ADAMTS13: variants seen among roughly 807,000 people sequenced by gnomAD.
The protein encoded by ADAMTS13 is ADAM metallopeptidase with thrombospondin type 1 motif 13.
Under a neutral mutation model 155.1 loss-of-function variants are expected in ADAMTS13, and 110 were observed. That is an observed-to-expected ratio of 0.71 (90% CI 0.61 to 0.83). ADAMTS13 has a LOEUF of 0.83. ADAMTS13 is among the 40% of genes least tolerant of loss of function. ADAMTS13 has a pLI of 0.00. For synonymous variants in ADAMTS13, 758 were observed against 756.4 expected, an observed-to-expected ratio of 1.00 and a Z score of -0.03; for missense variants, 1,707 against 1,891.7, an observed-to-expected ratio of 0.90 and a Z score of 1.81.
chr9:133,415,473 G>A (rs1209772470), intron 1 of ADAMTS13, among the ~76,000 whole-genome samples: 2 of 150,634 alleles, frequency 1.3e-5, no homozygotes, highest in Admixed American at 1.3e-4. Flanking sequence ...GGAAGGTGGG[G>A]GGTGTCATAA....
chr9:133,428,855 C>T, intron 7 of ADAMTS13, 84 bp downstream of exon 7: 1 of 1,182,450 alleles, frequency 8.5e-7, no homozygotes. Context: ...ACGTCCGTCC[C>T]CACTCCGCAT....
chr9:133,428,778 G>A lies in ADAMTS13; in HGVS notation c.824+7G>A. ...AGCTGCTGAGCCTGCTCAGGTAGCGGCCGCCCCGTGGGAGGGGCGCGCGAG... is the reference window on the plus strand; with the variant it reads ...AGCTGCTGAGCCTGCTCAGGTAGCGACCGCCCCGTGGGAGGGGCGCGCGAG... On this transcript the variant is annotated splice_region_variant and intron_variant, in intron 7 of 28. Transcript: ENST00000355699. 3 of 1,318,768 alleles carry A rather than the reference G, an allele frequency of 2.3e-6. No individual in the cohort carries two copies. The highest frequency in any genetic ancestry group is 2.0e-5 in the South Asian group (1 of 50,164). The allele number at this position is 1,318,768 out of a possible 1,614,324, so 81.7% of individuals were successfully genotyped here.
Position 133,424,172 on chromosome 9 carries a change from A to G in ADAMTS13, c.173-149A>G, listed in dbSNP as rs7031011. The G allele has an allele frequency of 6.5e-3, 8,233 of 1,275,232 alleles. 265 individuals are homozygous for G. The African/African-American group carries it at 0.088, about 14-fold the overall frequency. 79.0% of individuals were successfully genotyped at this position (1,275,232 alleles called of 1,614,324 possible). ...CCTGCCCTTTGCGTGCCTAGTCACT[A>G]ATGGGGTCTGGCTCTTGGGGTGGGG... On this transcript the variant is annotated intron_variant, in intron 2 of 28. Coordinates refer to ENST00000355699, the MANE Select transcript of ADAMTS13 (RefSeq NM_139027.6). This position sits in a 1 kb window ranked among gnomAD's most constrained non-coding sequence, Gnocchi z 4.3.
chr9:133,454,723 C>G (rs1842639331), intron 24 of ADAMTS13, 104 bp downstream of exon 24: 3 of 1,390,644 alleles, frequency 2.2e-6, no homozygotes. Flanking sequence ...ATCGTGTCCC[C>G]TGAAAGGAAG....
At position 133,433,715 on chromosome 9, in the gene ADAMTS13, T is replaced by A; in HGVS notation, c.1308+11T>A. 1.2e-6 allele frequency: 2 copies of A among 1,612,666 alleles called. No homozygotes were observed. The highest frequency in any genetic ancestry group is 1.7e-6 in the Non-Finnish European group (2 of 1,179,964). On this transcript the variant is annotated intron_variant, in intron 11 of 28. Coordinates refer to ENST00000355699, the MANE Select transcript of ADAMTS13 (RefSeq NM_139027.6). ...ATGTGCAACACTCAGGTAGGCCTGC[T>A]TCCTGGGGTAGGAGGGGGCAGCTGG...
At chr9:133,447,438 A>G (rs1842144146) in intron 21 of ADAMTS13, among the ~76,000 whole-genome samples, 2 of 151,810 alleles carry the variant, frequency 1.3e-5, no homozygotes, top group African/African-American at 4.8e-5. Flanking sequence ...ATACCCTGCT[A>G]ATTTTTGTAG....
chr9:133,433,284 A>T, intron 9 of ADAMTS13, 94 bp from the exon 10 acceptor site: 2 of 1,555,962 alleles, frequency 1.3e-6, no homozygotes, highest in Non-Finnish European at 1.8e-6. Flanking sequence ...TGTGTTGGGG[A>T]TCCCTGAGGA....
At chr9:133,448,024 T>C (rs1315068061) in intron 21 of ADAMTS13, among the ~76,000 whole-genome samples, 1 of 151,002 alleles carries the variant, frequency 6.6e-6, no homozygotes, top group Non-Finnish European at 1.5e-5. Context: ...GGAGTCTCGC[T>C]CTGTCACCCA....
chr9:133,458,540 AGT>A (rs1211970611), intron 28 of ADAMTS13, among the ~76,000 whole-genome samples: 1 of 106,802 alleles, frequency 9.4e-6, no homozygotes, highest in Non-Finnish European at 1.8e-5. Context: ...TGGGCAACAG[AGT>A]GAGACTCTGT....
chr9:133,429,176 C>T (rs867620498), intron 7 of ADAMTS13, among the ~76,000 whole-genome samples: 4 of 109,046 alleles, frequency 3.7e-5, no homozygotes, highest in African/African-American at 1.6e-4. Flanking sequence ...CACCCACCCC[C>T]CCGTCCCACC....
At chr9:133,448,977 G>C (rs926653139) in intron 22 of ADAMTS13, among the ~76,000 whole-genome samples, 2 of 152,026 alleles carry the variant, frequency 1.3e-5, no homozygotes, top group Non-Finnish European at 2.9e-5. Context: ...AAGGAGACAG[G>C]GGGTGCTAGG....
At chr9:133,454,810 G>A (rs1336579540) in intron 24 of ADAMTS13, among the ~76,000 whole-genome samples, 191 bp downstream of exon 24, 1 of 152,192 alleles carries the variant, frequency 6.6e-6, no homozygotes, top group Non-Finnish European at 1.5e-5. Flanking sequence ...GGGCAGCTAG[G>A]ACTTAAGAGG....
rs369811471 is a variant in ADAMTS13, at chr9:133,425,312, G to A, written c.331-217G>A. On this transcript the variant is annotated intron_variant, in intron 3 of 28. Coordinates refer to ENST00000355699, the MANE Select transcript of ADAMTS13 (RefSeq NM_139027.6). The surrounding 1 kb of genome is among the most constrained non-coding windows in gnomAD (Gnocchi z 4.6). The stretch of plus-strand genomic sequence containing the variant: ...TTGCTTTGGAGTTTGTTTTCCTTGC[G>A]TTAGTTGGCCTTCCTGAGCCATGAG... 3.0e-4 allele frequency among the ~76,000 whole-genome samples: 45 copies of A among 152,162 alleles called. No individual in the cohort carries two copies. Among genetic ancestry groups the A allele is most frequent in the African/African-American group, 8.4e-4 (35 of 41,438 alleles).
At chr9:133,452,533 G>T (rs1366686709) in intron 23 of ADAMTS13, among the ~76,000 whole-genome samples, 4 of 152,112 alleles carry the variant, frequency 2.6e-5, no homozygotes, top group African/African-American at 9.7e-5. Context: ...ATCACATTTA[G>T]AGATGATCTG....
intron 2 of ADAMTS13, among the ~76,000 whole-genome samples, chr9:133,423,612 CCTT>C (rs1564406847): frequency 6.6e-6 from 1 of 152,238 alleles, no homozygotes; most frequent in African/African-American, 2.4e-5. Context: ...ATGTCTGTGA[CCTT>C]CTCCGGTGCG....
At chr9:133,458,949 T>G (rs1842926915) in intron 28 of ADAMTS13, 25 bp from the exon 29 acceptor site, 1 of 1,606,218 alleles carries the variant, frequency 6.2e-7, no homozygotes, top group African/African-American at 1.3e-5. Flanking sequence ...TGGCCGGTCC[T>G]TCTGGGCTGC....
chr9:133,432,624 C>A lies in ADAMTS13; in HGVS notation c.1024C>A (p.Leu342Met). 1 of 1,557,930 alleles carries A rather than the reference C, an allele frequency of 6.4e-7. No individual in the cohort carries two copies. The highest frequency in any genetic ancestry group is 8.7e-7 in the Non-Finnish European group (1 of 1,150,286). ...CQALSCHTDP[L>M]DQSSCSRLLV... The stretch of plus-strand genomic sequence containing the variant: ...GGCCCTCTCCTGCCACACAGACCCG[C>A]TGGACCAAAGCAGCTGCAGCCGCCT... The change falls in exon 9 of 29, where the codon CTG becomes ATG. Residue 342 changes from leucine to methionine, a missense_variant. Physicochemically the swap from Leu to Met is conservative, Grantham distance 15. Transcript: ENST00000355699.
At chr9:133,446,236 C>T (rs1842056531) in intron 21 of ADAMTS13, among the ~76,000 whole-genome samples, 2 of 152,208 alleles carry the variant, frequency 1.3e-5, no homozygotes, top group Non-Finnish European at 2.9e-5. Flanking sequence ...AGGTCAGTGG[C>T]ATAAAAGCAC....
In ADAMTS13 at chr9:133,456,882, G is replaced by A. The variant is rs1800674587; in HGVS notation, c.3724+163G>A. On this transcript the variant is annotated intron_variant, in intron 27 of 28. Coordinates refer to ENST00000355699, the MANE Select transcript of ADAMTS13 (RefSeq NM_139027.6). The surrounding 1 kb of genome is among the most constrained non-coding windows in gnomAD (Gnocchi z 4.4). ...GGGGTTGGCCAGTGTCAGTCTGCAC[G>A]TGCCAGGGAGGGGTCACAGGATGAA... 4 of 885,224 alleles carry A rather than the reference G, an allele frequency of 4.5e-6. No homozygotes were observed. Among genetic ancestry groups the A allele is most frequent in the Middle Eastern group, 2.1e-4 (1 of 4,706 alleles). 54.8% of individuals were successfully genotyped at this position (885,224 alleles called of 1,614,324 possible).
Sources: allele counts gnomAD v4.1 joint callset (sites outside exome capture counted in the v4.1 genomes callset), GRCh38; gene constraint gnomAD v4.1.1; non-coding constraint Gnocchi (gnomAD v3.1); transcripts MANE v1.5; gene names NCBI Gene and HGNC (gene_info 2026-07-23, HGNC 2026-07-21).